LARGE1: variants seen among roughly 807,000 people sequenced by gnomAD.
LARGE1 encodes xylosyl- and glucuronyltransferase LARGE1.
Under a neutral mutation model 87.6 loss-of-function variants are expected in LARGE1, and 43 were observed. That is an observed-to-expected ratio of 0.49 (90% CI 0.38 to 0.63). LARGE1 has a LOEUF of 0.63. Among genes scored for constraint, LARGE1 ranks in the 30% least tolerant of loss-of-function variants. The pLI, the probability that LARGE1 is intolerant of heterozygous loss-of-function variation, is 0.00. For missense variants in LARGE1, 802 were observed against 1,000.2 expected (o/e 0.80, Z 2.67); for synonymous variants, 434 against 394.6 (o/e 1.10, Z -1.18).
intron 11 of LARGE1, among the ~76,000 whole-genome samples, chr22:33,233,036 T>TC (rs1926086068): frequency 6.6e-6 from 1 of 152,200 alleles, no homozygotes; most frequent in Non-Finnish European, 1.5e-5. Flanking sequence ...AAAGGTTGAA[T>TC]GTGCTTTGAA....
intron 6 of LARGE1, among the ~76,000 whole-genome samples, chr22:33,473,203 T>C (rs1318845759): frequency 1.3e-5 from 2 of 152,016 alleles, no homozygotes; most frequent in African/African-American, 4.8e-5. Context: ...AGTTTCACTC[T>C]TATTGCCCAG....
intron 4 of LARGE1, among the ~76,000 whole-genome samples, chr22:33,607,060 G>T (rs983031982): frequency 3.9e-5 from 6 of 152,142 alleles, no homozygotes; most frequent in Non-Finnish European, 7.3e-5. Context: ...GAAGAGAGTA[G>T]GAGTTGAATC....
chr22:33,211,338 C>T (rs1924950228), intron 11 of LARGE1, among the ~76,000 whole-genome samples: 1 of 152,168 alleles, frequency 6.6e-6, no homozygotes, highest in Non-Finnish European at 1.5e-5. Context: ...AAGACACACA[C>T]CTCTCACTTT....
At chr22:33,843,070 A>G (rs1378444403) in intron 1 of LARGE1, among the ~76,000 whole-genome samples, 1 of 152,166 alleles carries the variant, frequency 6.6e-6, no homozygotes, top group East Asian at 1.9e-4. Context: ...CCTTCCTGGA[A>G]GACATCCTTT....
intron 1 of LARGE1, among the ~76,000 whole-genome samples, chr22:33,776,137 A>G (rs952598259): frequency 3.3e-5 from 5 of 152,208 alleles, no homozygotes; most frequent in Non-Finnish European, 7.3e-5. Flanking sequence ...CTTTTCCTCC[A>G]GAGTCATCTC....
At chr22:33,283,029 G>C (rs1158992889) in intron 13 of LARGE1, among the ~76,000 whole-genome samples, 173 bp downstream of exon 13, 1 of 152,214 alleles carries the variant, frequency 6.6e-6, no homozygotes, top group African/African-American at 2.4e-5. Context: ...GTACCGGCAT[G>C]GGGAGAGGAG....
chr22:33,344,018 T>A (rs1939455304), intron 9 of LARGE1, among the ~76,000 whole-genome samples: 1 of 152,168 alleles, frequency 6.6e-6, no homozygotes, highest in Non-Finnish European at 1.5e-5. Flanking sequence ...GCTGGGAGGC[T>A]AGGCCAGTCT....
chr22:33,203,085 CTCTCTCTCTCTCTCTCTG>C (rs1332938555), intron 11 of LARGE1, among the ~76,000 whole-genome samples: 22 of 149,234 alleles, frequency 1.5e-4, no homozygotes, highest in South Asian at 7.0e-4. Context: ...CTCTCTCTCT[CTCTCTCTCTCTCTCTCTG>C]TGTGTGTGTG....
In LARGE1 at chr22:33,316,092, T is replaced by A; in HGVS notation, c.1444A>T (p.Met482Leu). 1 of 1,613,834 alleles carries A rather than the reference T, an allele frequency of 6.2e-7. No individual in the cohort carries two copies. Among genetic ancestry groups the A allele is most frequent in the Non-Finnish European group, 8.5e-7 (1 of 1,179,810 alleles). ...TGAGGCCGTCTGCCATACCTGTCCA[T>A]GGACAGCTGAGCGACCAGGGTGACG... ...TDVTLVAQLS[M>L]DRLQMLEAIC... is the part of the protein sequence containing the mutation. Residue 482 changes from methionine (M) to leucine (L), a missense_variant, in exon 11 of 15, where the codon ATG (methionine) becomes TTG (leucine). Met to Leu is a conservative substitution (Grantham distance 15). Coordinates refer to ENST00000397394, the MANE Select transcript of LARGE1 (RefSeq NM_133642.5).
At chr22:33,287,915 T>C (rs1931841522) in intron 12 of LARGE1, among the ~76,000 whole-genome samples, 1 of 152,222 alleles carries the variant, frequency 6.6e-6, no homozygotes, top group African/African-American at 2.4e-5. Context: ...GGCGTCTAGC[T>C]CTGACTCTAC....
chr22:33,836,843 C>G (rs1301420702), intron 1 of LARGE1, among the ~76,000 whole-genome samples: 1 of 151,906 alleles, frequency 6.6e-6, no homozygotes, highest in Non-Finnish European at 1.5e-5. Flanking sequence ...AGGCCAAGAC[C>G]TGGAACACTG....
chr22:33,196,701 C>T (rs966832220), intron 11 of LARGE1, among the ~76,000 whole-genome samples: 3 of 149,154 alleles, frequency 2.0e-5, no homozygotes, highest in African/African-American at 5.0e-5. Context: ...AATGAAAGAG[C>T]AAAAGGATGA....
At chr22:33,860,856 C>A (rs1039071507) in intron 1 of LARGE1, among the ~76,000 whole-genome samples, 3 of 152,276 alleles carry the variant, frequency 2.0e-5, no homozygotes, top group Middle Eastern at 3.4e-3. Context: ...GGAGTCAGCA[C>A]GGGGAACACC....
At chr22:33,313,321 C>T (rs975310721) in intron 11 of LARGE1, among the ~76,000 whole-genome samples, 4 of 152,164 alleles carry the variant, frequency 2.6e-5, no homozygotes, top group Non-Finnish European at 4.4e-5. Flanking sequence ...TACCTCCCCT[C>T]GGACACATTC....
chr22:33,768,436 T>TCACACACACACA (rs71969164), intron 1 of LARGE1, among the ~76,000 whole-genome samples: 6 of 147,464 alleles, frequency 4.1e-5, no homozygotes, highest in African/African-American at 7.6e-5. Context: ...ACGCGCGCGC[T>TCACACACACACA]CACACACACA....
chr22:33,412,421 A>G (rs1404978972), intron 7 of LARGE1, among the ~76,000 whole-genome samples: 2 of 152,156 alleles, frequency 1.3e-5, no homozygotes, highest in Non-Finnish European at 2.9e-5. Flanking sequence ...TAGTCCCACC[A>G]TGGCAGATTT....
chr22:33,342,149 T>C (rs542161915), intron 9 of LARGE1, among the ~76,000 whole-genome samples: 131 of 152,182 alleles, frequency 8.6e-4, no homozygotes, highest in Non-Finnish European at 1.6e-3. Flanking sequence ...ATTAAAATAA[T>C]TGCATGTGGG....
chr22:33,165,049 T>C (rs1435605341), exon 12 of LARGE1: 1 of 152,190 alleles, frequency 6.6e-6, no homozygotes, highest in African/African-American at 2.4e-5. Context: ...ATGGATACTA[T>C]GCTCACTACC....
chr22:33,448,982 A>T (rs5754556), intron 6 of LARGE1, among the ~76,000 whole-genome samples: 61,680 of 152,058 alleles, frequency 0.41, 13,940 homozygotes, highest in African/African-American at 0.6. Context: ...GAATTTCATA[A>T]AAATAGAATT....
Sources: allele counts gnomAD v4.1 joint callset (sites outside exome capture counted in the v4.1 genomes callset), GRCh38; gene constraint gnomAD v4.1.1; transcripts MANE v1.5; gene names NCBI Gene and HGNC (gene_info 2026-07-23, HGNC 2026-07-21).